Variants in ZNF692 observed in about 807,000 individuals in gnomAD.
ZNF692 encodes the protein zinc finger protein 692, also known as AICAR responsive element binding protein.
ZNF692 carries 41 observed loss-of-function variants against 49.0 expected under a neutral mutation model. The observed-to-expected ratio is 0.84, with a 90% confidence interval of 0.65 to 1.08. The LOEUF (loss-of-function observed/expected upper bound fraction) is 1.08. Ranked by LOEUF, ZNF692 falls within the 50% of genes least tolerant of loss-of-function variation. ZNF692 has a pLI of 0.00. For missense variants in ZNF692, 662 were observed against 662.2 expected (o/e 1.00, Z 0.00); for synonymous variants, 288 against 251.5 (o/e 1.15, Z -1.37).
intron 9 of ZNF692, among the ~76,000 whole-genome samples, chr1:248,854,993 T>C (rs933834588): frequency 7.2e-5 from 11 of 152,208 alleles, no homozygotes; most frequent in Middle Eastern, 3.4e-3. Context: ...CCCCTTGCCT[T>C]CTGTGCCTCA....
chr1:248,850,715 TGGATGACAA>T lies in ZNF692; in HGVS notation c.1211_1219del (p.Leu404_Ile406del), dbSNP rs776613269. On this transcript the variant is annotated inframe_deletion, in exon 11 of 12. Transcript: ENST00000306601. ...TTTTTCTCCAGTGTGGATACGTCTGTGGATGACAAGGTTGCTGCTAGTGCGGAAAGACCG... is the reference window on the plus strand; with the variant it reads ...TTTTTCTCCAGTGTGGATACGTCTGTGGTTGCTGCTAGTGCGGAAAGACCG... The T allele has an allele frequency of 1.9e-6, 3 of 1,614,094 alleles. No individual in the cohort carries two copies. In the Admixed American group the frequency reaches 5.0e-5, roughly 27 times the overall value.
chr1:248,856,183 C>T, intron 6 of ZNF692, 105 bp downstream of exon 6: 3 of 1,479,296 alleles, frequency 2.0e-6, no homozygotes, highest in Non-Finnish European at 2.7e-6. Flanking sequence ...ACCCACCCTT[C>T]CCTCCACACT....
At position 248,850,789 on chromosome 1, in the gene ZNF692, CAT is replaced by C. The variant is rs1196673123; in HGVS notation, c.1154-10_1154-9del. The C allele has an allele frequency of 3.1e-6, 5 of 1,613,898 alleles. No homozygotes were observed. Among genetic ancestry groups the C allele is most frequent in the Non-Finnish European group, 4.2e-6 (5 of 1,179,896 alleles). ...AGATGTAGTCCCGGGTGTCTGCAGG[CAT>C]ATGAGGGACACTCCAGCATCTGCCC... On this transcript the variant is annotated splice_polypyrimidine_tract_variant and intron_variant, in intron 10 of 11. Transcript: ENST00000306601.
Position 248,850,298 on chromosome 1 carries a change from C to G in ZNF692, c.1472G>C (p.Ser491Thr). 6.2e-7 allele frequency: 1 copy of G among 1,611,464 alleles called. No homozygotes were observed. The highest frequency in any genetic ancestry group is 8.5e-7 in the Non-Finnish European group (1 of 1,178,284). Residue 491 changes from serine (S) to threonine (T), a missense_variant, in exon 12 of 12, where the codon AGC becomes ACC. Physicochemically the swap from Ser to Thr is moderately conservative, Grantham distance 58. Coordinates refer to ENST00000306601, the MANE Select transcript of ZNF692 (RefSeq NM_017865.4). ...SPSGPLEPCP[S>T]ISAPGPLGSS... is the part of the protein sequence containing the mutation. Reference sequence around the variant, plus strand: ...TCCCAGAGGCCCAGGGGCAGAGATGCTGGGACAGGGCTCTAGGGGACCACT... The same window carrying G: ...TCCCAGAGGCCCAGGGGCAGAGATGGTGGGACAGGGCTCTAGGGGACCACT...
chr1:248,857,687 T>C lies in ZNF692; in HGVS notation c.211+141A>G, dbSNP rs562813072. 12 of 1,476,062 alleles carry C rather than the reference T, an allele frequency of 8.1e-6. No homozygotes were observed. The African/African-American group carries it at 1.6e-4, about 19-fold the overall frequency. The allele number at this position is 1,476,062 out of a possible 1,614,324, so 91.4% of individuals were successfully genotyped here. ...CTCCCTTCCCCACCCAGAGGTTGCC[T>C]CCATCAAACTACCCTGTGCTCCCCA... On this transcript the variant is annotated intron_variant, in intron 3 of 11. Coordinates refer to ENST00000306601, the MANE Select transcript of ZNF692 (RefSeq NM_017865.4).
intron 4 of ZNF692, 147 bp downstream of exon 4, chr1:248,857,087 C>G (rs1020591351): frequency 1.1e-5 from 9 of 854,584 alleles, no homozygotes; most frequent in Non-Finnish European, 1.6e-5. Flanking sequence ...GCTTTTCATG[C>G]CCAACAGTGT....
At position 248,858,054 on chromosome 1, in the gene ZNF692, G is replaced by A. The variant is rs753468122; in HGVS notation, c.179+77C>T. The A allele has an allele frequency of 6.4e-7, 1 of 1,551,956 alleles. No homozygotes were observed. Among genetic ancestry groups the A allele is most frequent in the African/African-American group, 1.4e-5 (1 of 74,016 alleles). On this transcript the variant is annotated intron_variant, in intron 2 of 11. Coordinates refer to ENST00000306601, the MANE Select transcript of ZNF692 (RefSeq NM_017865.4). This position sits in a 1 kb window ranked among gnomAD's most constrained non-coding sequence, Gnocchi z 4.3. ...AGAAACCTGAGGGTGGAAAAGAGCA[G>A]CAGGACAGGCCCTGGAGAGGAGGCT...
Position 248,850,526 on chromosome 1 carries a change from G to A in ZNF692, c.1254-10C>T, listed in dbSNP as rs1282048330. On this transcript the variant is annotated splice_polypyrimidine_tract_variant and intron_variant, in intron 11 of 11. Transcript: ENST00000306601. The stretch of plus-strand genomic sequence containing the variant: ...CCCGCATATCTCACACCTGGAGTCA[G>A]GGACAGAAGAGGGAAGGAACAAGGC... 1.9e-6 allele frequency: 3 copies of A among 1,599,320 alleles called. No homozygotes were observed. The highest frequency in any genetic ancestry group is 2.6e-6 in the Non-Finnish European group (3 of 1,171,230).
intron 10 of ZNF692, among the ~76,000 whole-genome samples, chr1:248,853,054 A>G (rs1171386317): frequency 1.3e-5 from 2 of 151,856 alleles, no homozygotes; most frequent in African/African-American, 4.8e-5. Flanking sequence ...AAATCACATC[A>G]CCTTCTGCCC....
In ZNF692 at chr1:248,857,655, G is replaced by A. The variant is rs1042349614; in HGVS notation, c.212-158C>T. 1.0e-5 allele frequency: 15 copies of A among 1,466,862 alleles called. No individual in the cohort carries two copies. In the South Asian group the frequency reaches 1.7e-4, roughly 17 times the overall value. The allele number at this position is 1,466,862 out of a possible 1,614,324, so 90.9% of individuals were successfully genotyped here. On this transcript the variant is annotated intron_variant, in intron 3 of 11. Coordinates refer to ENST00000306601, the MANE Select transcript of ZNF692 (RefSeq NM_017865.4). ...AGAACCTAGACACACTAGATCCTGAGACATTGCTCCCTTCCCCACCCAGAG... is the reference window on the plus strand; with the variant it reads ...AGAACCTAGACACACTAGATCCTGAAACATTGCTCCCTTCCCCACCCAGAG...
rs34555325 is a variant in ZNF692 at position 248,857,412 on chromosome 1, C to T, written c.297G>A (p.Gly99=). ...CATCTTGGCCGCCAGGCCCCCGAAGCCCGGGCACCAGGCTGCACTCTCGGC... is the reference window on the plus strand; with the variant it reads ...CATCTTGGCCGCCAGGCCCCCGAAGTCCGGGCACCAGGCTGCACTCTCGGC... ...AHSRECSLVP[G]LRGPGGQDGG... is the part of the protein sequence containing the mutation. The change falls in exon 4 of 12, where the codon GGG becomes GGA. Residue 99 remains glycine (G), a synonymous_variant. Coordinates refer to ENST00000306601, the MANE Select transcript of ZNF692 (RefSeq NM_017865.4). 4,337 of 1,614,144 alleles carry T rather than the reference C, an allele frequency of 2.7e-3. 99 individuals are homozygous for T. The African/African-American group carries it at 0.05, about 19-fold the overall frequency.
intron 10 of ZNF692, 45 bp downstream of exon 10, chr1:248,853,892 G>A (rs1659910835): frequency 6.7e-7 from 1 of 1,485,058 alleles, no homozygotes; most frequent in Admixed American, 1.7e-5. Context: ...ACCCACAAAG[G>A]AAGGTAAAAG....
In ZNF692 at chr1:248,855,630, C is replaced by T; in HGVS notation, c.887G>A (p.Gly296Glu). The T allele has an allele frequency of 6.2e-7, 1 of 1,614,214 alleles. No individual in the cohort carries two copies. Among genetic ancestry groups the T allele is most frequent in the Admixed American group, 1.7e-5 (1 of 60,026 alleles). Residue 296 changes from glycine (G) to glutamate (E), a missense_variant, in exon 8 of 12, where the codon GGG (glycine) becomes GAG (glutamate). By Grantham distance (98) the Gly-to-Glu change is moderately conservative. Coordinates refer to ENST00000306601, the MANE Select transcript of ZNF692 (RefSeq NM_017865.4). ...GGTTGGAGCAGACTGGGCCTGACTC[C>T]CAGTGCTACGGGCAGCAAAGAGGGA... ...AQQTEALAST[G>E]SQAQSAPTPA... is the part of the protein sequence containing the mutation.
chr1:248,857,580 T>C, intron 3 of ZNF692, 83 bp from the exon 4 acceptor site: 1 of 1,532,486 alleles, frequency 6.5e-7, no homozygotes. Flanking sequence ...GGAGCCCTGT[T>C]CCCTCAAACC....
In ZNF692 at chr1:248,858,540, GCAGA is replaced by G; in HGVS notation, c.-12-223_-12-220del. 3 of 1,551,750 alleles carry G rather than the reference GCAGA, an allele frequency of 1.9e-6. No individual in the cohort carries two copies. The highest frequency in any genetic ancestry group is 2.6e-6 in the Non-Finnish European group (3 of 1,146,996). On this transcript the variant is annotated intron_variant, in intron 1 of 11. Coordinates refer to ENST00000306601, the MANE Select transcript of ZNF692 (RefSeq NM_017865.4). The surrounding 1 kb of genome is among the most constrained non-coding windows in gnomAD (Gnocchi z 4.3). ...GTGAGTGTCGTCGGGTGGGAGGCAG[GCAGA>G]CAGAAGCAGTCAGAACAAAGGCCTG...
chr1:248,856,397 A>G lies in ZNF692; in HGVS notation c.550T>C (p.Phe184Leu). 6.2e-7 allele frequency: 1 copy of G among 1,613,032 alleles called. No individual in the cohort carries two copies. The highest frequency in any genetic ancestry group is 1.3e-5 in the African/African-American group (1 of 75,018). ...PRRVGPPPET[F>L]PPPGEEEGEE... ...CCCTCTTCCTCTCCTGGAGGTGGGA[A>G]GGTCTCTGGTGGGGGTCCCACCCTC... The change falls in exon 6 of 12, where the codon TTC (phenylalanine) becomes CTC (leucine). Residue 184 changes from phenylalanine to leucine, a missense_variant. Phe to Leu is a conservative substitution (Grantham distance 22, BLOSUM62 0). Coordinates refer to ENST00000306601, the MANE Select transcript of ZNF692 (RefSeq NM_017865.4).
chr1:248,853,350 T>A (rs1659827711), intron 10 of ZNF692, among the ~76,000 whole-genome samples: 1 of 152,222 alleles, frequency 6.6e-6, no homozygotes, highest in African/African-American at 2.4e-5. Context: ...CCCTCTGCCA[T>A]TCAAGACTCT....
intron 10 of ZNF692, among the ~76,000 whole-genome samples, chr1:248,853,076 C>A (rs959149800): frequency 1.3e-5 from 2 of 152,186 alleles, no homozygotes; most frequent in African/African-American, 4.8e-5. Flanking sequence ...GTTGCTGAGG[C>A]TGGAATCCTC....
In ZNF692 at chr1:248,850,290, C is replaced by T; in HGVS notation, c.1480G>A (p.Ala494Thr). 6.2e-7 allele frequency: 1 copy of T among 1,609,474 alleles called. No homozygotes were observed. The highest frequency in any genetic ancestry group is 8.5e-7 in the Non-Finnish European group (1 of 1,177,028). Reference sequence around the variant, plus strand: ...TCGCTGGATCCCAGAGGCCCAGGGGCAGAGATGCTGGGACAGGGCTCTAGG... The same window carrying T: ...TCGCTGGATCCCAGAGGCCCAGGGGTAGAGATGCTGGGACAGGGCTCTAGG... ...GPLEPCPSIS[A>T]PGPLGSSEGS... Residue 494 changes from alanine to threonine, a missense_variant, in exon 12 of 12, where the codon GCC (alanine) becomes ACC (threonine). Ala to Thr is a moderately conservative substitution (Grantham distance 58). Transcript: ENST00000306601.
Sources: allele counts gnomAD v4.1 joint callset (sites outside exome capture counted in the v4.1 genomes callset), GRCh38; gene constraint gnomAD v4.1.1; non-coding constraint Gnocchi (gnomAD v3.1); transcripts MANE v1.5; gene names NCBI Gene and HGNC (gene_info 2026-07-23, HGNC 2026-07-21).